Variants in MTUS2 observed in about 807,000 individuals in gnomAD.
MTUS2 encodes microtubule associated scaffold protein 2.
A neutral mutation model predicts 114.1 loss-of-function variants in MTUS2; 40 were observed. The observed-to-expected ratio is 0.35, with a 90% CI of 0.27 to 0.46. The LOEUF is 0.46. MTUS2 is among the 20% of genes least tolerant of loss of function. The pLI is 1.00. For missense variants in MTUS2, 1,679 were observed against 1,705.4 expected, an observed-to-expected ratio of 0.98 and a Z score of 0.27; for synonymous variants, 688 against 672.0, an observed-to-expected ratio of 1.02 and a Z score of -0.37.
At position 29,193,244 on chromosome 13, in the gene MTUS2, A is replaced by G. The variant is rs542665366; in HGVS notation, c.2645-88460A>G. Among the ~76,000 whole-genome samples, 3 of 152,212 alleles carry G rather than the reference A, an allele frequency of 2.0e-5. No individual in the cohort carries two copies. The East Asian group carries it at 5.8e-4, about 29-fold the overall frequency. ...TTATACAGTGAGATTGGAGTGCTGA[A>G]CCAGTTAGGGAGGACTCGAAAGGGG... On this transcript the variant is annotated intron_variant, in intron 5 of 15. Coordinates refer to ENST00000612955, the MANE Select transcript of MTUS2 (RefSeq NM_001033602.4).
chr13:29,479,112 G>A (rs1880952578), intron 9 of MTUS2, among the ~76,000 whole-genome samples: 1 of 152,140 alleles, frequency 6.6e-6, no homozygotes, highest in Non-Finnish European at 1.5e-5. Flanking sequence ...ACTAGGGTGT[G>A]GATTACAGCT....
rs376247251 is a variant in MTUS2, at chr13:29,026,781, C to T, written c.2083C>T (p.Leu695Phe). 3 of 1,613,784 alleles carry T rather than the reference C, an allele frequency of 1.9e-6. No individual in the cohort carries two copies. Among genetic ancestry groups the T allele is most frequent in the South Asian group, 1.1e-5 (1 of 91,078 alleles). The change falls in exon 3 of 16, where the codon CTC (leucine) becomes TTC (phenylalanine). Residue 695 changes from leucine (L) to phenylalanine (F), a missense_variant. By Grantham distance (22) the Leu-to-Phe change is conservative. Around this residue, in one of 3 missense-constraint regions of MTUS2, gnomAD observed 822 missense variants for 899.7 expected, o/e 0.91. Transcript: ENST00000612955. ...AGGDLKPSANLYEKFKPDLQK... is the reference protein window; with the variant it reads ...AGGDLKPSANFYEKFKPDLQK... ...TGGTGACCTGAAGCCATCTGCCAAC[C>T]TCTATGAGAAATTCAAGCCAGACCT...
At chr13:29,472,604 A>C (rs930017303) in intron 9 of MTUS2, among the ~76,000 whole-genome samples, 1 of 152,234 alleles carries the variant, frequency 6.6e-6, no homozygotes, top group Non-Finnish European at 1.5e-5. Flanking sequence ...CCAAAAAAGA[A>C]AAACTACACT....
intron 9 of MTUS2, among the ~76,000 whole-genome samples, chr13:29,460,694 C>T (rs185483076): frequency 3.4e-4 from 52 of 152,240 alleles, no homozygotes; most frequent in East Asian, 2.7e-3. Flanking sequence ...ATGATGTGAA[C>T]GCACGAAGGA....
chr13:29,149,501 T>A (rs575966666), intron 5 of MTUS2, among the ~76,000 whole-genome samples: 2 of 152,342 alleles, frequency 1.3e-5, no homozygotes, highest in Admixed American at 1.3e-4. Flanking sequence ...GATCTTTTGC[T>A]GTGCAGAAGT....
rs1289792293 is a variant in MTUS2, at chr13:28,874,526, A to G, written c.-243+34676A>G. Among the ~76,000 whole-genome samples, 3 of 152,142 alleles carry G rather than the reference A, an allele frequency of 2.0e-5. No individual in the cohort carries two copies. The East Asian group carries it at 5.8e-4, about 29-fold the overall frequency. ...CATCTATAGGTGTGGCTAGGCTGGA[A>G]TGGCTCACTTATATGGCTGGCTGTT... On this transcript the variant is annotated intron_variant, in intron 2 of 15. Transcript: ENST00000612955.
chr13:29,026,232 C>T lies in MTUS2; in HGVS notation c.1534C>T (p.Leu512Phe). The stretch of plus-strand genomic sequence containing the variant: ...CACATCTGTTGCTGAAAACAGGAAC[C>T]TTCTAGAGAATGCAGATAAGATTGA... ...VTTSVAENRNLLENADKIEST... is the reference protein window; with the variant it reads ...VTTSVAENRNFLENADKIEST... The change falls in exon 3 of 16, where the codon CTT becomes TTT. Residue 512 changes from leucine to phenylalanine, a missense_variant. Leu to Phe is a conservative substitution (Grantham distance 22, BLOSUM62 0). Coordinates refer to ENST00000612955, the MANE Select transcript of MTUS2 (RefSeq NM_001033602.4). The T allele has an allele frequency of 2.5e-6, 4 of 1,613,960 alleles. No individual in the cohort carries two copies. Among genetic ancestry groups the T allele is most frequent in the Non-Finnish European group, 3.4e-6 (4 of 1,179,890 alleles).
At chr13:29,479,888 C>G (rs994651008) in intron 9 of MTUS2, among the ~76,000 whole-genome samples, 3 of 152,214 alleles carry the variant, frequency 2.0e-5, no homozygotes, top group African/African-American at 7.2e-5. Context: ...GATTTGCCTT[C>G]CCAGCTCCTT....
intron 9 of MTUS2, among the ~76,000 whole-genome samples, chr13:29,446,242 A>T (rs1878270256): frequency 6.6e-6 from 1 of 152,236 alleles, no homozygotes; most frequent in African/African-American, 2.4e-5. Context: ...GTCATGGAGA[A>T]TGATTCACTC....
intron 4 of MTUS2, among the ~76,000 whole-genome samples, chr13:29,044,617 ATTTC>A (rs1887528893): frequency 6.6e-6 from 1 of 151,952 alleles, no homozygotes; most frequent in African/African-American, 2.4e-5. Flanking sequence ...TACTCTGTTC[ATTTC>A]TTTGAGTATT....
intron 5 of MTUS2, among the ~76,000 whole-genome samples, chr13:29,120,041 C>T (rs988242255): frequency 2.0e-5 from 3 of 152,120 alleles, no homozygotes; most frequent in Admixed American, 6.5e-5. Context: ...ATCCAACAAA[C>T]TTATGATAAA....
intron 5 of MTUS2, among the ~76,000 whole-genome samples, chr13:29,192,089 C>T (rs1166573761): frequency 6.6e-6 from 1 of 152,182 alleles, no homozygotes; most frequent in African/African-American, 2.4e-5. Flanking sequence ...ATTGATGATA[C>T]ATGGGCAAAA....
chr13:28,979,577 C>A (rs1884267574), intron 2 of MTUS2, among the ~76,000 whole-genome samples: 1 of 151,830 alleles, frequency 6.6e-6, no homozygotes, highest in South Asian at 2.1e-4. Context: ...TTAGAAATAA[C>A]AAGTTTGAAA....
Position 29,244,955 on chromosome 13 carries a change from CAAAAAAAAAAAAAAAAA to C in MTUS2, c.2645-36739_2645-36723del, listed in dbSNP as rs56095961. 6.6e-5 allele frequency among the ~76,000 whole-genome samples: 4 copies of C among 60,522 alleles called. No homozygotes were observed. The Admixed American group carries it at 8.2e-4, about 12-fold the overall frequency. 39.7% of individuals were successfully genotyped at this position (60,522 alleles called of 152,430 possible). A position where few individuals can be genotyped will look rare whatever the true frequency, so the allele number is the denominator to read the frequency against. ...TGGGCGACAGAGCGAGACTCCGTCTCAAAAAAAAAAAAAAAAAAAAAAAAAAGTAAAAGTCTGTTGAG... is the reference window on the plus strand; with the variant it reads ...TGGGCGACAGAGCGAGACTCCGTCTCAAAAAAAAAGTAAAAGTCTGTTGAG... On this transcript the variant is annotated intron_variant, in intron 5 of 15. Transcript: ENST00000612955.
At chr13:29,032,249 C>T (rs544596867) in intron 3 of MTUS2, among the ~76,000 whole-genome samples, 2 of 152,224 alleles carry the variant, frequency 1.3e-5, no homozygotes, top group East Asian at 3.9e-4. Flanking sequence ...AAATGACAGG[C>T]ATTGAAGTTA....
At chr13:29,259,596 C>T (rs1897396646) in intron 5 of MTUS2, among the ~76,000 whole-genome samples, 3 of 152,056 alleles carry the variant, frequency 2.0e-5, no homozygotes, top group Admixed American at 2.0e-4. Flanking sequence ...TGATAATTGG[C>T]CAAAATAGTT....
chr13:28,994,795 A>G (rs1037295406), intron 2 of MTUS2, among the ~76,000 whole-genome samples: 2 of 151,900 alleles, frequency 1.3e-5, no homozygotes, highest in African/African-American at 4.8e-5. Context: ...TAGATTCTGG[A>G]TATTAGCCCT....
rs1268844882 is a variant in MTUS2, at chr13:29,463,471, G to A, written c.3185-16679G>A. ...AAGATTTTTTTTAGTTTCAGAATGA[G>A]GAACAGGAGAGCTTTGTGCCTGTTG... On this transcript the variant is annotated intron_variant, in intron 9 of 15. Coordinates refer to ENST00000612955, the MANE Select transcript of MTUS2 (RefSeq NM_001033602.4). 4.6e-5 allele frequency among the ~76,000 whole-genome samples: 7 copies of A among 152,188 alleles called. No individual in the cohort carries two copies. In the East Asian group the frequency reaches 1.2e-3, roughly 25 times the overall value.
intron 5 of MTUS2, among the ~76,000 whole-genome samples, chr13:29,218,499 G>A (rs1340252520): frequency 4.6e-5 from 7 of 152,288 alleles, no homozygotes; most frequent in African/African-American, 1.7e-4. Flanking sequence ...AATCCTTTCC[G>A]ATAGGTTTTC....
Sources: gnomAD v4.1 joint callset for allele counts (sites outside exome capture counted in the v4.1 genomes callset) on GRCh38, gnomAD v4.1.1 for gene constraint, gnomAD v4.1.1 regional missense constraint, MANE v1.5 for transcripts, NCBI Gene and HGNC (gene_info 2026-07-23, HGNC 2026-07-21) for gene names.